SRP72: variants seen among roughly 807,000 people sequenced by gnomAD.
The protein encoded by SRP72 is signal recognition particle 72, also known as signal recognition particle subunit SRP72.
A neutral mutation model predicts 96.3 loss-of-function variants in SRP72; 49 were observed. The observed-to-expected ratio is 0.51, with a 90% confidence interval of 0.40 to 0.65. The LOEUF (loss-of-function observed/expected upper bound fraction) is 0.65. SRP72 is among the 30% of genes least tolerant of loss of function. The pLI, the probability that SRP72 is intolerant of heterozygous loss-of-function variation, is 0.00. For missense variants in SRP72, 736 were observed against 793.3 expected (o/e 0.93, Z 0.87); for synonymous variants, 267 against 275.2 (o/e 0.97, Z 0.30).
chr4:56,491,680 C>T (rs1720913678), intron 16 of SRP72, 112 bp downstream of exon 16: 2 of 1,111,568 alleles, frequency 1.8e-6, no homozygotes, highest in African/African-American at 1.6e-5. Flanking sequence ...CTCTTTGTTC[C>T]TTTTCCATTT....
At position 56,469,693 on chromosome 4, in the gene SRP72, T is replaced by C. The variant is rs747676171; in HGVS notation, c.150T>C (p.Cys50=). ...AAGATGACGTAACTGCCCTGCATTG[T>C]AAAGTGGTATGCCTTATCCAGAATG... is the stretch of plus-strand genomic sequence containing the variant. ...INKDDVTALH[C]KVVCLIQNGS... is the part of the protein sequence containing the mutation. The change falls in exon 2 of 19, where the codon TGT becomes TGC. Residue 50 remains cysteine (C), a synonymous_variant. Coordinates refer to ENST00000642900, the MANE Select transcript of SRP72 (RefSeq NM_006947.4). 1.9e-6 allele frequency: 3 copies of C among 1,612,458 alleles called. 1 individual carries two copies. In the South Asian group the frequency reaches 3.3e-5, roughly 18 times the overall value.
rs1203389785 is a variant in SRP72, at chr4:56,484,721, T to G, written c.958-15T>G. 6.2e-7 allele frequency: 1 copy of G among 1,612,766 alleles called. No homozygotes were observed. ...AACCAGTTTATTTTTCTTGTGGGGG[T>G]TGGATATCTTCTAGGCTGAACAATG... On this transcript the variant is annotated splice_polypyrimidine_tract_variant and intron_variant, in intron 9 of 18. Coordinates refer to ENST00000642900, the MANE Select transcript of SRP72 (RefSeq NM_006947.4).
chr4:56,497,281 G>A (rs868546116), intron 17 of SRP72, among the ~76,000 whole-genome samples: 14 of 149,706 alleles, frequency 9.4e-5, no homozygotes, highest in East Asian at 4.0e-4. Flanking sequence ...GTGCAGTGGC[G>A]CTATCTCGGC....
Position 56,467,719 on chromosome 4 carries a change from G to A in SRP72, c.84G>A (p.Thr28=). 1 of 1,553,240 alleles carries A rather than the reference G, an allele frequency of 6.4e-7. No individual in the cohort carries two copies. The highest frequency in any genetic ancestry group is 8.7e-7 in the Non-Finnish European group (1 of 1,153,208). The change falls in exon 1 of 19, where the codon ACG becomes ACA. Residue 28 remains threonine, a synonymous_variant. Transcript: ENST00000642900. Reference sequence around the variant, plus strand: ...GGTATGGCCAGAACGGCGACTTCACGCGCGCTCTCAAGACCGTCAATAAGA... The same window carrying A: ...GGTATGGCCAGAACGGCGACTTCACACGCGCTCTCAAGACCGTCAATAAGA... ...VNRYGQNGDF[T]RALKTVNKIL... is the part of the protein sequence containing the mutation.
At chr4:56,500,512 C>T in intron 17 of SRP72, 24 bp from the exon 18 acceptor site, 4 of 1,606,608 alleles carry the variant, frequency 2.5e-6, no homozygotes, top group East Asian at 2.2e-5. Context: ...ACACATCTCT[C>T]ATTTCTTTAT....
At chr4:56,489,795 A>T (rs1720843718) in intron 13 of SRP72, among the ~76,000 whole-genome samples, 1 of 152,202 alleles carries the variant, frequency 6.6e-6, no homozygotes. Context: ...GATCGTCTTA[A>T]ATGGCTAGAG....
chr4:56,496,665 C>A (rs1721080780), intron 17 of SRP72, among the ~76,000 whole-genome samples: 1 of 151,836 alleles, frequency 6.6e-6, no homozygotes, highest in African/African-American at 2.4e-5. Context: ...TATAGAGTGG[C>A]CTAAAGAGTG....
At chr4:56,473,627 T>TG (rs1381292611) in intron 3 of SRP72, among the ~76,000 whole-genome samples, 1 of 151,388 alleles carries the variant, frequency 6.6e-6, no homozygotes, top group Non-Finnish European at 1.5e-5. Flanking sequence ...TAGCCAGGCA[T>TG]GGTGGCGCAC....
intron 8 of SRP72, among the ~76,000 whole-genome samples, chr4:56,480,033 G>T (rs1720417405): frequency 6.6e-6 from 1 of 152,122 alleles, no homozygotes; most frequent in Non-Finnish European, 1.5e-5. Context: ...TCAGATTCTA[G>T]TTTCTGACTT....
intron 8 of SRP72, among the ~76,000 whole-genome samples, chr4:56,481,802 C>G (rs142066129): frequency 7.1e-6 from 1 of 141,726 alleles, no homozygotes; most frequent in Non-Finnish European, 1.5e-5. Context: ...GATGGAGTCT[C>G]GCTCTCTTGC....
At chr4:56,489,770 A>T (rs1234089373) in intron 13 of SRP72, among the ~76,000 whole-genome samples, 1 of 152,198 alleles carries the variant, frequency 6.6e-6, no homozygotes, top group Non-Finnish European at 1.5e-5. Context: ...ATAGTACATG[A>T]TTGCATATTT....
At chr4:56,500,475 TAAAC>T in intron 17 of SRP72, 57 bp from the exon 18 acceptor site, 2 of 1,537,482 alleles carry the variant, frequency 1.3e-6, no homozygotes, top group South Asian at 2.4e-5. Context: ...AGACATCGTT[TAAAC>T]AAACTATCTT....
At chr4:56,472,686 A>G (rs906657523) in intron 3 of SRP72, among the ~76,000 whole-genome samples, 31 of 152,166 alleles carry the variant, frequency 2.0e-4, no homozygotes, top group Admixed American at 6.5e-5. Flanking sequence ...AGGGCAAATA[A>G]TGTTGTATTG....
In SRP72 at chr4:56,484,864, G is replaced by C. The variant is rs1035798936; in HGVS notation, c.1086G>C (p.Gln362His). The stretch of plus-strand genomic sequence containing the variant: ...ACACAAAAGCAATAGAGCTGCTTCA[G>C]GTAAAATAATTACTTGAATGAGGTG... The part of the protein sequence containing the change: ...KQHTKAIELL[Q>H]EFSDQHPENA... Residue 362 changes from glutamine (Q) to histidine (H), a missense_variant and splice_region_variant, in exon 10 of 19, where the codon CAG becomes CAC. This residue lies in a region of SRP72 where 388 missense variants were observed against 431.8 expected (regional missense o/e 0.90). Coordinates refer to ENST00000642900, the MANE Select transcript of SRP72 (RefSeq NM_006947.4). 6.2e-7 allele frequency: 1 copy of C among 1,606,452 alleles called. No homozygotes were observed. Among genetic ancestry groups the C allele is most frequent in the Non-Finnish European group, 8.5e-7 (1 of 1,178,444 alleles).
At chr4:56,494,356 T>C (rs935228973) in intron 16 of SRP72, among the ~76,000 whole-genome samples, 1 of 151,988 alleles carries the variant, frequency 6.6e-6, no homozygotes, top group African/African-American at 2.4e-5. Context: ...TAAGAATATA[T>C]AGAGAGATGT....
chr4:56,478,642 T>C lies in SRP72; in HGVS notation c.818T>C (p.Ile273Thr), dbSNP rs1177695241. The change falls in exon 8 of 19, where the codon ATT becomes ACT. Residue 273 changes from isoleucine (I) to threonine (T), a missense_variant. Physicochemically the swap from Ile to Thr is moderately conservative, Grantham distance 89. Transcript: ENST00000642900. ...GTAATTGCAAATAACATCATTACCA[T>C]TAACAAGGTATGGAGTATTTGTGCT... Reference protein sequence around the residue: ...LAVIANNIITINKDQNVFDSK... With the variant: ...LAVIANNIITTNKDQNVFDSK... 6.2e-7 allele frequency: 1 copy of C among 1,613,850 alleles called. No homozygotes were observed. The highest frequency in any genetic ancestry group is 8.5e-7 in the Non-Finnish European group (1 of 1,179,894).
intron 17 of SRP72, among the ~76,000 whole-genome samples, chr4:56,497,115 ATAATT>A (rs931935603): frequency 2.0e-5 from 3 of 152,186 alleles, no homozygotes; most frequent in Admixed American, 6.5e-5. Context: ...TGAACATAAT[ATAATT>A]TGTTTGTTTT....
chr4:56,476,253 G>GC (rs1217281243), intron 5 of SRP72: 1 of 200,000 alleles, frequency 5.0e-6, no homozygotes, highest in Non-Finnish European at 1.0e-5. Flanking sequence ...CTGCACTCCA[G>GC]CCTGGGCAAC....
At chr4:56,471,654 T>G in intron 2 of SRP72, 66 bp from the exon 3 acceptor site, 1 of 1,568,016 alleles carries the variant, frequency 6.4e-7, no homozygotes, top group Non-Finnish European at 8.7e-7. Flanking sequence ...TAGAGTGGTG[T>G]TGTATATAAT....
Sources: gnomAD v4.1 joint callset for allele counts (sites outside exome capture counted in the v4.1 genomes callset) on GRCh38, gnomAD v4.1.1 for gene constraint, gnomAD v4.1.1 regional missense constraint, MANE v1.5 for transcripts, NCBI Gene and HGNC (gene_info 2026-07-23, HGNC 2026-07-21) for gene names.